The following SMC4 variants were observed in gnomAD, a reference collection of about 807,000 sequenced individuals.
SMC4 encodes the protein structural maintenance of chromosomes protein 4.
Under a neutral mutation model 145.6 loss-of-function variants are expected in SMC4, and 87 were observed. That is an observed-to-expected ratio of 0.60 (90% confidence interval 0.50 to 0.71). The LOEUF is 0.71. Ranked by LOEUF, SMC4 falls within the 30% of genes least tolerant of loss-of-function variation. The pLI is 0.00. For missense variants in SMC4, 1,447 were observed against 1,537.1 expected, an observed-to-expected ratio of 0.94 and a Z score of 0.98; for synonymous variants, 558 against 500.7, an observed-to-expected ratio of 1.11 and a Z score of -1.53.
At chr3:160,431,956 C>T (rs1042590875) in intron 21 of SMC4, 131 bp downstream of exon 21, 6 of 925,274 alleles carry the variant, frequency 6.5e-6, no homozygotes, top group Non-Finnish European at 9.7e-6. Flanking sequence ...AATCCCAGCA[C>T]TTTGGGAGGC....
intron 8 of SMC4, 22 bp downstream of exon 8, chr3:160,413,635 C>T (rs978755247): frequency 1.6e-6 from 2 of 1,225,698 alleles, no homozygotes; most frequent in South Asian, 1.4e-5. Context: ...TTGGGAAGTA[C>T]TAAAAGTATT....
rs371148643 is a variant in SMC4, at chr3:160,412,240, CTG to C, written c.853-84_853-83del. ...TTAAGATGAACATTCTCCTTATTAA[CTG>C]TTTTTATCTAATGTTTGCATATTTT... On this transcript the variant is annotated intron_variant, in intron 6 of 23. Transcript: ENST00000357388. 288 of 1,445,198 alleles carry C rather than the reference CTG, an allele frequency of 2.0e-4. 1 individual carries two copies. In the African/African-American group the frequency reaches 3.3e-3, roughly 17 times the overall value. The allele number at this position is 1,445,198 out of a possible 1,614,324, so 89.5% of individuals were successfully genotyped here. A position where few individuals can be genotyped will look rare whatever the true frequency, so the allele number is the denominator to read the frequency against.
In SMC4 at chr3:160,431,772, C is replaced by T. The variant is rs750540951; in HGVS notation, c.3244C>T (p.Arg1082Trp). Residue 1082 changes from arginine (R) to tryptophan (W), a missense_variant, in exon 21 of 24, where the codon CGG becomes TGG. By Grantham distance (101) the Arg-to-Trp change is moderately radical. Coordinates refer to ENST00000357388, the MANE Select transcript of SMC4 (RefSeq NM_001002800.3). ...ITNQIALLEA[R>W]CHEMKPNLGA... is the part of the protein sequence containing the mutation. Reference sequence around the variant, plus strand: ...AAATCAAATTGCACTTTTGGAAGCCCGGTGTCATGAAATGAAACCAAACCT... The same window carrying T: ...AAATCAAATTGCACTTTTGGAAGCCTGGTGTCATGAAATGAAACCAAACCT... 1.4e-5 allele frequency: 22 copies of T among 1,613,574 alleles called. No homozygotes were observed. Among genetic ancestry groups the T allele is most frequent in the Middle Eastern group, 1.6e-4 (1 of 6,082 alleles).
chr3:160,409,002 G>C (rs1173864496), intron 5 of SMC4, among the ~76,000 whole-genome samples: 1 of 151,958 alleles, frequency 6.6e-6, no homozygotes, highest in Non-Finnish European at 1.5e-5. Flanking sequence ...ATAATCTTAA[G>C]ACTGCTGTAA....
intron 3 of SMC4, 42 bp downstream of exon 3, chr3:160,402,135 C>T (rs767222577): frequency 7.7e-7 from 1 of 1,291,210 alleles, no homozygotes; most frequent in South Asian, 1.6e-5. Flanking sequence ...TTTTAAATAA[C>T]TATTGTAAGG....
intron 10 of SMC4, 37 bp downstream of exon 10, chr3:160,416,452 G>A: frequency 1.5e-6 from 2 of 1,298,634 alleles, no homozygotes; most frequent in Admixed American, 2.6e-5. Context: ...TATTTTGGTG[G>A]CTTTTTTTTT....
chr3:160,434,137 G>T lies in SMC4; in HGVS notation c.*328G>T, dbSNP rs1718731327. 1.1e-5 allele frequency: 2 copies of T among 183,672 alleles called. No homozygotes were observed. Among genetic ancestry groups the T allele is most frequent in the Non-Finnish European group, 2.2e-5 (2 of 89,460 alleles). The allele number at this position is 183,672 out of a possible 1,614,324, so 11.4% of individuals were successfully genotyped here. A position where few individuals can be genotyped will look rare whatever the true frequency, so the allele number is the denominator to read the frequency against. On this transcript the variant is annotated 3_prime_UTR_variant, in exon 24 of 24. Transcript: ENST00000357388. ...TATCAAGGCTCAGCATACCTTCGTG[G>T]GCCTTTGATTTACCAACACTGGAAA...
chr3:160,422,595 G>A (rs191019422), intron 13 of SMC4, among the ~76,000 whole-genome samples: 4 of 152,238 alleles, frequency 2.6e-5, no homozygotes, highest in Admixed American at 2.6e-4. Flanking sequence ...TGTGAGATAT[G>A]ATTTACAGAT....
At chr3:160,422,336 T>C (rs1717271484) in intron 13 of SMC4, among the ~76,000 whole-genome samples, 2 of 152,252 alleles carry the variant, frequency 1.3e-5, no homozygotes, top group Admixed American at 1.3e-4. Flanking sequence ...GGTTCCAGTT[T>C]CTTTACATCC....
At chr3:160,418,220 G>A (rs368875022) in intron 11 of SMC4, among the ~76,000 whole-genome samples, 26 of 152,212 alleles carry the variant, frequency 1.7e-4, no homozygotes, top group African/African-American at 5.8e-4. Context: ...AAGAAAGTTT[G>A]TGTTTCTTTA....
At chr3:160,432,550 T>TA (rs770893920) in intron 22 of SMC4, 35 bp downstream of exon 22, 7 of 1,259,174 alleles carry the variant, frequency 5.6e-6, no homozygotes, top group Non-Finnish European at 5.5e-6. Context: ...ATCCCACTGT[T>TA]ACCTTTTTCT....
intron 10 of SMC4, 173 bp downstream of exon 10, chr3:160,416,588 A>G (rs1031710629): frequency 5.1e-6 from 2 of 389,206 alleles, no homozygotes; most frequent in Non-Finnish European, 9.2e-6. Flanking sequence ...ATTCCTGCTG[A>G]CATGTTTTTT....
At chr3:160,426,658 A>T (rs1450690359) in intron 17 of SMC4, among the ~76,000 whole-genome samples, 1 of 152,048 alleles carries the variant, frequency 6.6e-6, no homozygotes, top group Non-Finnish European at 1.5e-5. Context: ...ATAGACATGT[A>T]AATGTTCTAC....
chr3:160,404,537 A>G (rs1284969898), intron 5 of SMC4, 33 bp downstream of exon 5: 3 of 1,597,732 alleles, frequency 1.9e-6, no homozygotes, highest in South Asian at 1.1e-5. Flanking sequence ...AGATTCTCTT[A>G]TTCTTGTTAC....
chr3:160,423,885 A>G (rs1245776216), intron 15 of SMC4, 45 bp downstream of exon 15: 2 of 1,489,290 alleles, frequency 1.3e-6, no homozygotes, highest in East Asian at 2.3e-5. Flanking sequence ...TTTTTTTTAA[A>G]TAGCTTTACC....
intron 5 of SMC4, among the ~76,000 whole-genome samples, chr3:160,410,904 C>G (rs947223971): frequency 6.6e-6 from 1 of 152,082 alleles, no homozygotes; most frequent in Non-Finnish European, 1.5e-5. Context: ...TGACTTTTTT[C>G]GTCTTTGCTA....
At chr3:160,412,175 T>G (rs1716063459) in intron 6 of SMC4, 91 bp downstream of exon 6, 1 of 1,457,616 alleles carries the variant, frequency 6.9e-7, no homozygotes, top group African/African-American at 1.4e-5. Context: ...GTTATAATAC[T>G]TAATGAAGAA....
At chr3:160,410,157 C>T (rs1401117744) in intron 5 of SMC4, among the ~76,000 whole-genome samples, 2 of 152,190 alleles carry the variant, frequency 1.3e-5, no homozygotes, top group African/African-American at 4.8e-5. Context: ...TGCCCCTTTT[C>T]CCATAGGACA....
In SMC4 at chr3:160,433,227, G is replaced by T; in HGVS notation, c.3714+18G>T. ...ATATATATGTAAGTAATCATTTTGG[G>T]ATTTTCATTCCAGAAACTTTTAGGG... On this transcript the variant is annotated intron_variant, in intron 23 of 23. Transcript: ENST00000357388. 6.4e-7 allele frequency: 1 copy of T among 1,573,628 alleles called. No homozygotes were observed. Among genetic ancestry groups the T allele is most frequent in the Non-Finnish European group, 8.7e-7 (1 of 1,151,366 alleles).
Sources: gnomAD v4.1 joint callset for allele counts (sites outside exome capture counted in the v4.1 genomes callset) on GRCh38, gnomAD v4.1.1 for gene constraint, MANE v1.5 for transcripts, NCBI Gene and HGNC (gene_info 2026-07-23, HGNC 2026-07-21) for gene names.